Variants in MTAP observed in about 807,000 individuals in gnomAD.
MTAP encodes the protein methylthioadenosine phosphorylase, also known as S-methyl-5'-thioadenosine phosphorylase.
Under a neutral mutation model 33.6 loss-of-function variants are expected in MTAP, and 33 were observed. That is an observed-to-expected ratio of 0.98 (90% CI 0.74 to 1.31). The LOEUF (loss-of-function observed/expected upper bound fraction) is 1.31. MTAP is among the 40% of genes most tolerant of loss of function. MTAP has a pLI of 0.00. For synonymous variants in MTAP, 148 were observed against 125.7 expected, an observed-to-expected ratio of 1.18 and a Z score of -1.19; for missense variants, 367 against 360.0, an observed-to-expected ratio of 1.02 and a Z score of -0.16.
chr9:21,926,949 C>G (rs1371707604), intron 1 of MTAP, among the ~76,000 whole-genome samples: 1 of 152,156 alleles, frequency 6.6e-6, no homozygotes, highest in African/African-American at 2.4e-5. Context: ...TTGGGCTTTT[C>G]TGGGGATCAC....
intron 5 of MTAP, 88 bp downstream of exon 5, chr9:21,838,098 G>T: frequency 2.0e-6 from 2 of 1,019,950 alleles, no homozygotes; most frequent in South Asian, 1.3e-5. Flanking sequence ...AGAGCGAGTG[G>T]CCCCATACCC....
intron 4 of MTAP, among the ~76,000 whole-genome samples, chr9:21,823,041 C>T (rs202018111): frequency 6.6e-6 from 1 of 152,106 alleles, no homozygotes. Flanking sequence ...TGAGTTGGGT[C>T]TCCTGAATAC....
chr9:21,912,394 G>C (rs1037017660), intron 1 of MTAP, among the ~76,000 whole-genome samples: 11 of 152,156 alleles, frequency 7.2e-5, no homozygotes, highest in African/African-American at 2.4e-4. Context: ...TAAAATACTG[G>C]CAAACCGAAT....
At chr9:21,914,589 C>G (rs964767368) in intron 1 of MTAP, among the ~76,000 whole-genome samples, 1 of 140,670 alleles carries the variant, frequency 7.1e-6, no homozygotes, top group Non-Finnish European at 1.5e-5. Context: ...AATGACAACT[C>G]TTGGCCACAG....
intron 1 of MTAP, among the ~76,000 whole-genome samples, chr9:21,891,014 C>G (rs894032561): frequency 2.4e-4 from 37 of 152,142 alleles, no homozygotes; most frequent in African/African-American, 8.0e-4. Flanking sequence ...TGCCGTGAGA[C>G]TTTGATGTTG....
chr9:21,882,871 A>G (rs1193457863), intron 1 of MTAP, among the ~76,000 whole-genome samples: 1 of 152,010 alleles, frequency 6.6e-6, no homozygotes. Context: ...TTCATATATC[A>G]AAGAATAAAG....
intron 4 of MTAP, among the ~76,000 whole-genome samples, chr9:21,836,592 C>G (rs1046419081): frequency 6.6e-6 from 1 of 152,300 alleles, no homozygotes; most frequent in East Asian, 1.9e-4. Context: ...GAGTACGTGT[C>G]ACCGTTTTAT....
At chr9:21,916,257 G>A (rs554354657) in intron 1 of MTAP, among the ~76,000 whole-genome samples, 8 of 152,278 alleles carry the variant, frequency 5.3e-5, no homozygotes, top group African/African-American at 9.6e-5. Flanking sequence ...AATCAGTTAA[G>A]ATGAGGTCAT....
At chr9:21,932,938 T>A (rs921055872), downstream of MTAP, 2 of 152,176 alleles carry the variant, frequency 1.3e-5, no homozygotes, top group African/African-American at 2.4e-5. Context: ...CAGTTATTTT[T>A]CCACTTTGAA....
intron 1 of MTAP, among the ~76,000 whole-genome samples, chr9:21,904,547 C>T (rs1175387214): frequency 1.3e-5 from 2 of 152,182 alleles, no homozygotes; most frequent in Non-Finnish European, 2.9e-5. Flanking sequence ...GTATAAGTCA[C>T]TTTCTACCAC....
intron 1 of MTAP, among the ~76,000 whole-genome samples, chr9:21,890,100 C>A (rs1818175424): frequency 6.6e-6 from 1 of 151,940 alleles, no homozygotes; most frequent in African/African-American, 2.4e-5. Flanking sequence ...TCAGACTCTC[C>A]TTGGGTGGGG....
intron 1 of MTAP, among the ~76,000 whole-genome samples, chr9:21,915,151 T>C (rs149565715): frequency 5.6e-4 from 84 of 151,236 alleles, no homozygotes; most frequent in African/African-American, 1.8e-3. Flanking sequence ...GGTGGGATCT[T>C]GGCTCACTGC....
intron 4 of MTAP, among the ~76,000 whole-genome samples, chr9:21,836,236 A>G (rs578002105): frequency 3.9e-4 from 60 of 152,228 alleles, no homozygotes; most frequent in Middle Eastern, 3.2e-3. Flanking sequence ...TTAAGTCCAC[A>G]TAGCTAGTAG....
intron 1 of MTAP, among the ~76,000 whole-genome samples, chr9:21,910,328 A>AG: frequency 6.6e-6 from 1 of 152,290 alleles, no homozygotes; most frequent in East Asian, 1.9e-4. Context: ...CTAAAAAAAA[A>AG]GAAATAAATT....
intron 5 of MTAP, among the ~76,000 whole-genome samples, chr9:21,846,980 T>C (rs553841900): frequency 6.6e-6 from 1 of 152,204 alleles, no homozygotes; most frequent in South Asian, 2.1e-4. Context: ...CCAAAGGAGA[T>C]TAACATTGAG....
chr9:21,902,188 G>A (rs1398777136), intron 1 of MTAP, among the ~76,000 whole-genome samples: 1 of 152,172 alleles, frequency 6.6e-6, no homozygotes, highest in Non-Finnish European at 1.5e-5. Flanking sequence ...ACACACTGAA[G>A]CATGTTTTAG....
intron 6 of MTAP, among the ~76,000 whole-genome samples, chr9:21,856,550 C>T (rs140205705): frequency 3.3e-5 from 5 of 152,280 alleles, no homozygotes; most frequent in Non-Finnish European, 5.9e-5. Flanking sequence ...ACCCTGAGAG[C>T]GGTTTGCTTC....
At chr9:21,898,002 C>T (rs1818326580) in intron 1 of MTAP, among the ~76,000 whole-genome samples, 1 of 152,158 alleles carries the variant, frequency 6.6e-6, no homozygotes, top group South Asian at 2.1e-4. Flanking sequence ...CTACAGTAAC[C>T]AAAACAGCAT....
At chr9:21,856,751 C>T (rs1825652321) in intron 6 of MTAP, among the ~76,000 whole-genome samples, 1 of 152,188 alleles carries the variant, frequency 6.6e-6, no homozygotes, top group Admixed American at 6.5e-5. Context: ...GGAAGGCCCA[C>T]AGAAAGATGG....
Sources: gnomAD v4.1 joint callset for allele counts (sites outside exome capture counted in the v4.1 genomes callset) on GRCh38, gnomAD v4.1.1 for gene constraint, MANE v1.5 for transcripts, NCBI Gene and HGNC (gene_info 2026-07-23, HGNC 2026-07-21) for gene names.